Variants in SGMS1 observed in about 807,000 individuals in gnomAD.
SGMS1 encodes sphingomyelin synthase 1, also known as phosphatidylcholine:ceramide cholinephosphotransferase 1.
In SGMS1, 13 loss-of-function variants were observed where a neutral mutation model predicts 46.2. The observed-to-expected ratio is 0.28, with a 90% CI of 0.18 to 0.45. The LOEUF is 0.45. SGMS1 is among the 20% of genes least tolerant of loss of function. The pLI, the probability that SGMS1 is intolerant of heterozygous loss-of-function variation, is 1.00. For missense variants in SGMS1, 324 were observed against 519.9 expected (o/e 0.62, Z 3.66); for synonymous variants, 203 against 187.8 (o/e 1.08, Z -0.66).
intron 6 of SGMS1, among the ~76,000 whole-genome samples, chr10:50,375,742 GATTAA>G (rs1334842479): frequency 1.3e-5 from 2 of 152,140 alleles, no homozygotes; most frequent in African/African-American, 4.8e-5. Flanking sequence ...AGTGTGCCCA[GATTAA>G]ATTATTTGAT....
In SGMS1 at chr10:50,307,061, A is replaced by T. The variant is rs1272796568; in HGVS notation, c.*81T>A. 7.6e-6 allele frequency: 10 copies of T among 1,319,964 alleles called. No individual in the cohort carries two copies. The highest frequency in any genetic ancestry group is 1.5e-5 in the African/African-American group (1 of 68,736). The allele number at this position is 1,319,964 out of a possible 1,614,324, so 81.8% of individuals were successfully genotyped here. On this transcript the variant is annotated 3_prime_UTR_variant, in exon 11 of 11. Transcript: ENST00000361781. The surrounding 1 kb of genome is among the most constrained non-coding windows in gnomAD (Gnocchi z 4.2). The stretch of plus-strand genomic sequence containing the variant: ...CCATTGAAAGATAATAGGATTAGGG[A>T]GGTGTTTATTTTATGGCATCTTCTC...
At chr10:50,554,863 C>G (rs1838177682) in intron 2 of SGMS1, among the ~76,000 whole-genome samples, 1 of 152,200 alleles carries the variant, frequency 6.6e-6, no homozygotes, top group African/African-American at 2.4e-5. Flanking sequence ...AACAATATGT[C>G]GTGGACATCC....
At chr10:50,567,531 C>T (rs555698030) in intron 2 of SGMS1, among the ~76,000 whole-genome samples, 3 of 152,186 alleles carry the variant, frequency 2.0e-5, no homozygotes, top group African/African-American at 7.2e-5. Context: ...TCCCCACCCC[C>T]ACTTGGGCTG....
At chr10:50,454,851 G>T (rs1203423) in intron 5 of SGMS1, among the ~76,000 whole-genome samples, 151,562 of 152,302 alleles carry the variant, frequency 1, 75,420 homozygotes, top group East Asian at 1. Flanking sequence ...CCAACTTATA[G>T]GCAGTACAAG....
intron 6 of SGMS1, among the ~76,000 whole-genome samples, chr10:50,418,917 C>T (rs1849218606): frequency 6.6e-6 from 1 of 152,132 alleles, no homozygotes; most frequent in Admixed American, 6.5e-5. Context: ...TTACCCCGCC[C>T]CTTCAGTTGC....
intron 2 of SGMS1, among the ~76,000 whole-genome samples, chr10:50,572,184 C>T (rs1274031459): frequency 3.3e-5 from 5 of 152,108 alleles, no homozygotes; most frequent in Admixed American, 1.3e-4. Flanking sequence ...TTCTTCTAGG[C>T]AAAATGAAGC....
chr10:50,488,677 T>C (rs1837543001), intron 3 of SGMS1, among the ~76,000 whole-genome samples: 1 of 152,238 alleles, frequency 6.6e-6, no homozygotes, highest in Non-Finnish European at 1.5e-5. Flanking sequence ...ATTACTATGC[T>C]TGGGTAATTT....
intron 3 of SGMS1, among the ~76,000 whole-genome samples, 172 bp downstream of exon 3, chr10:50,519,659 C>G (rs1338973951): frequency 6.6e-6 from 1 of 152,186 alleles, no homozygotes; most frequent in Non-Finnish European, 1.5e-5. Flanking sequence ...TTTTTCCAAA[C>G]CACACAGGCC....
chr10:50,589,043 T>C (rs182205117), intron 2 of SGMS1, among the ~76,000 whole-genome samples: 363 of 152,196 alleles, frequency 2.4e-3, no homozygotes, highest in Non-Finnish European at 2.5e-3. Context: ...GGTCTATTTG[T>C]GAATCTTGAT....
At position 50,590,199 on chromosome 10, in the gene SGMS1, C is replaced by T. The variant is rs1468724261; in HGVS notation, c.-635G>A. The T allele has an allele frequency of 1.3e-5, 2 of 152,348 alleles. No homozygotes were observed. Among genetic ancestry groups the T allele is most frequent in the African/African-American group, 4.8e-5 (2 of 41,436 alleles). The allele number at this position is 152,348 out of a possible 1,614,324, so 9.4% of individuals were successfully genotyped here. A position where few individuals can be genotyped will look rare whatever the true frequency, so the allele number is the denominator to read the frequency against. Reference sequence around the variant, plus strand: ...CTTTCTCCTGATCAAAAATGAATGACTAAATATGCCCACGGGCCCATTCAG... The same window carrying T: ...CTTTCTCCTGATCAAAAATGAATGATTAAATATGCCCACGGGCCCATTCAG... On this transcript the variant is annotated 5_prime_UTR_variant, in exon 2 of 11. Coordinates refer to ENST00000361781, the MANE Select transcript of SGMS1 (RefSeq NM_147156.4).
intron 9 of SGMS1, among the ~76,000 whole-genome samples, chr10:50,308,669 C>A (rs1019693648): frequency 2.6e-5 from 4 of 152,008 alleles, no homozygotes; most frequent in African/African-American, 9.7e-5. Flanking sequence ...AGCATCCAGA[C>A]GCCTGGGAAT....
intron 7 of SGMS1, chr10:50,335,989 C>A (rs1847709682): frequency 1.3e-5 from 2 of 152,030 alleles, no homozygotes; most frequent in Non-Finnish European, 2.9e-5. Flanking sequence ...GGTCATGAGA[C>A]CTAAAATTGT....
chr10:50,333,274 C>T (rs572697159), intron 7 of SGMS1, among the ~76,000 whole-genome samples: 6 of 152,318 alleles, frequency 3.9e-5, no homozygotes, highest in South Asian at 4.1e-4. Context: ...GCAGTACCAG[C>T]AACACTACAC....
At chr10:50,450,378 T>C (rs964692580) in intron 5 of SGMS1, among the ~76,000 whole-genome samples, 2 of 152,140 alleles carry the variant, frequency 1.3e-5, no homozygotes, top group African/African-American at 4.8e-5. Flanking sequence ...GAAAGTCAAT[T>C]TTATTTTTCT....
chr10:50,316,630 A>ATT (rs1847342665), intron 8 of SGMS1, among the ~76,000 whole-genome samples: 1 of 152,166 alleles, frequency 6.6e-6, no homozygotes, highest in Admixed American at 6.5e-5. Context: ...CCTCCTATTA[A>ATT]GGTAAATTAT....
intron 6 of SGMS1, among the ~76,000 whole-genome samples, chr10:50,362,125 A>G (rs1020024462): frequency 6.6e-6 from 1 of 152,234 alleles, no homozygotes; most frequent in Non-Finnish European, 1.5e-5. Context: ...AAAGGAGATG[A>G]CTTATGGTTC....
intron 2 of SGMS1, among the ~76,000 whole-genome samples, chr10:50,587,035 C>T (rs756952432): frequency 2.6e-5 from 4 of 152,138 alleles, no homozygotes; most frequent in Admixed American, 2.6e-4. Context: ...AGAAGCCAGA[C>T]ACAAAAGAGT....
At chr10:50,342,952 C>T (rs1404375941) in intron 7 of SGMS1, 2 of 152,640 alleles carry the variant, frequency 1.3e-5, no homozygotes, top group Admixed American at 6.5e-5. Context: ...GGTCCATCCA[C>T]TTCCCACCTA....
At chr10:50,568,874 A>C (rs1221647754) in intron 2 of SGMS1, among the ~76,000 whole-genome samples, 1 of 152,134 alleles carries the variant, frequency 6.6e-6, no homozygotes, top group Non-Finnish European at 1.5e-5. Flanking sequence ...CCCTGTTCAC[A>C]ATAGTAAAGA....
Sources: allele counts gnomAD v4.1 joint callset (sites outside exome capture counted in the v4.1 genomes callset), GRCh38; gene constraint gnomAD v4.1.1; non-coding constraint Gnocchi (gnomAD v3.1); transcripts MANE v1.5; gene names NCBI Gene and HGNC (gene_info 2026-07-23, HGNC 2026-07-21).